ADAMTSL3: variants seen among roughly 807,000 people sequenced by gnomAD.
ADAMTSL3 encodes the protein ADAMTS-like protein 3.
In ADAMTSL3, 128 loss-of-function variants were observed where a neutral mutation model predicts 201.7. The observed-to-expected ratio is 0.63, with a 90% CI of 0.55 to 0.73. The LOEUF (loss-of-function observed/expected upper bound fraction) is 0.73, where lower values mean the gene tolerates loss of function less well. Ranked by LOEUF, ADAMTSL3 falls within the 30% of genes least tolerant of loss-of-function variation. The pLI, the probability that ADAMTSL3 is intolerant of heterozygous loss-of-function variation, is 0.00. For synonymous variants in ADAMTSL3, 738 were observed against 748.4 expected (o/e 0.99, Z 0.23); for missense variants, 1,990 against 2,119.6 (o/e 0.94, Z 1.20).
intron 3 of ADAMTSL3, among the ~76,000 whole-genome samples, chr15:83,715,262 A>G (rs1045798874): frequency 1.3e-5 from 2 of 152,058 alleles, no homozygotes; most frequent in African/African-American, 4.8e-5. Context: ...GGCCCTTAAT[A>G]TTGCCTCTTC....
At position 84,024,180 on chromosome 15, in the gene ADAMTSL3, C is replaced by T. The variant is rs924882978; in HGVS notation, c.4458-1058C>T. Reference sequence around the variant, plus strand: ...CTGAGGCAGGAGAATGGCGTGAACCCGGGAGGCAATGGTTGGAGTGAGCCG... The same window carrying T: ...CTGAGGCAGGAGAATGGCGTGAACCTGGGAGGCAATGGTTGGAGTGAGCCG... On this transcript the variant is annotated intron_variant, in intron 26 of 29. Coordinates refer to ENST00000286744, the MANE Select transcript of ADAMTSL3 (RefSeq NM_207517.3). Among the ~76,000 whole-genome samples the T allele has an allele frequency of 6.6e-5, 10 of 152,184 alleles. No homozygotes were observed. The South Asian group carries it at 2.1e-3, about 32-fold the overall frequency.
At chr15:84,025,569 A>G in intron 27 of ADAMTSL3, 133 bp downstream of exon 27, 1 of 833,468 alleles carries the variant, frequency 1.2e-6, no homozygotes, top group South Asian at 1.8e-5. Context: ...AAATGAATGT[A>G]TGTCTTTGAC....
intron 2 of ADAMTSL3, among the ~76,000 whole-genome samples, chr15:83,659,267 C>T (rs1367270339): frequency 6.6e-6 from 1 of 152,154 alleles, no homozygotes; most frequent in Non-Finnish European, 1.5e-5. Context: ...TGAAGAAGTC[C>T]TGGGAGGTCT....
chr15:83,903,926 A>AGGGAGGGAGGGAGGGAGG (rs1283956007), intron 15 of ADAMTSL3, among the ~76,000 whole-genome samples: 1 of 31,776 alleles, frequency 3.1e-5, no homozygotes, highest in Non-Finnish European at 4.9e-5. Context: ...TCAAAAAAAA[A>AGGGAGGGAGGGAGGGAGG]AAAAAAAAAA....
chr15:83,656,959 A>G (rs1048657612), intron 2 of ADAMTSL3, among the ~76,000 whole-genome samples: 1 of 152,226 alleles, frequency 6.6e-6, no homozygotes, highest in Non-Finnish European at 1.5e-5. Flanking sequence ...TGTGATGCAC[A>G]AAGAACTGGT....
At chr15:83,676,637 C>T (rs932071863) in intron 2 of ADAMTSL3, among the ~76,000 whole-genome samples, 1 of 152,140 alleles carries the variant, frequency 6.6e-6, no homozygotes, top group South Asian at 2.1e-4. Flanking sequence ...GAGATTGCAC[C>T]GCTGCACTCC....
chr15:83,903,949 A>AGGGAGGGAGGGAGGG (rs1567226151), intron 15 of ADAMTSL3, among the ~76,000 whole-genome samples: 2 of 38,576 alleles, frequency 5.2e-5, no homozygotes, highest in African/African-American at 1.7e-4. Context: ...AAAAAAGAAA[A>AGGGAGGGAGGGAGGG]AAGAAAGAAA....
chr15:83,666,281 A>G (rs1053038279), intron 2 of ADAMTSL3, among the ~76,000 whole-genome samples: 7 of 152,306 alleles, frequency 4.6e-5, no homozygotes, highest in South Asian at 4.1e-4. Context: ...TTATTGACCA[A>G]TTCTTCACTA....
At chr15:83,829,429 T>C (rs1482236224) in intron 6 of ADAMTSL3, among the ~76,000 whole-genome samples, 1 of 152,198 alleles carries the variant, frequency 6.6e-6, no homozygotes, top group Non-Finnish European at 1.5e-5. Flanking sequence ...TCTTCTTTAT[T>C]AGTCTTGCTA....
chr15:83,884,338 C>CCTTTTTTTTTTTTTTTTTT (rs1305026027), intron 9 of ADAMTSL3, among the ~76,000 whole-genome samples: 2 of 114,486 alleles, frequency 1.7e-5, no homozygotes, highest in Non-Finnish European at 1.7e-5. Flanking sequence ...GCCCTATTTC[C>CCTTTTTTTTTTTTTTTTTT]TTTTTTTTTT....
rs1305026027 is a variant in ADAMTSL3, at chr15:83,884,338, C to CCTTTTTTTT, written c.961-763_961-762insCTTTTTTTT. 1.1e-4 allele frequency among the ~76,000 whole-genome samples: 13 copies of CCTTTTTTTT among 114,488 alleles called. 4 individuals carry two copies. Among genetic ancestry groups the CCTTTTTTTT allele is most frequent in the African/African-American group, 1.4e-4 (4 of 28,892 alleles). The allele number at this position is 114,488 out of a possible 152,430, so 75.1% of individuals were successfully genotyped here. On this transcript the variant is annotated intron_variant, in intron 9 of 29. Transcript: ENST00000286744. ...TGTTACCTCATTGGTGCCCTATTTCCTTTTTTTTTTTTTTTTTTTTTTGAG... is the reference window on the plus strand; with the variant it reads ...TGTTACCTCATTGGTGCCCTATTTCCCTTTTTTTTTTTTTTTTTTTTTTTTTTTTTTGAG...
Position 83,664,720 on chromosome 15 carries a change from C to T in ADAMTSL3, c.69+8890C>T, listed in dbSNP as rs144259918. Among the ~76,000 whole-genome samples the T allele has an allele frequency of 2.3e-3, 350 of 152,288 alleles. 1 individual carries two copies. The highest frequency in any genetic ancestry group is 8.1e-3 in the African/African-American group (337 of 41,574). ...TGTGTTTGGGCACAGTGGCTCATGCCTGTGATCCGAGCACCTTGGGAGACC... is the reference window on the plus strand; with the variant it reads ...TGTGTTTGGGCACAGTGGCTCATGCTTGTGATCCGAGCACCTTGGGAGACC... On this transcript the variant is annotated intron_variant, in intron 2 of 29. Coordinates refer to ENST00000286744, the MANE Select transcript of ADAMTSL3 (RefSeq NM_207517.3).
At chr15:83,783,527 G>A (rs780875091) in intron 4 of ADAMTSL3, among the ~76,000 whole-genome samples, 18 of 151,714 alleles carry the variant, frequency 1.2e-4, no homozygotes, top group South Asian at 2.1e-4. Flanking sequence ...CAAGGATACC[G>A]AAAGACTGAA....
intron 9 of ADAMTSL3, among the ~76,000 whole-genome samples, chr15:83,878,694 A>T (rs1293992623): frequency 6.6e-6 from 1 of 151,946 alleles, no homozygotes; most frequent in African/African-American, 2.4e-5. Context: ...ATATCACTAG[A>T]TGTGATTTTA....
intron 10 of ADAMTSL3, among the ~76,000 whole-genome samples, chr15:83,889,522 A>T (rs1031729574): frequency 1.3e-5 from 2 of 152,240 alleles, no homozygotes; most frequent in African/African-American, 4.8e-5. Context: ...CAGATACACA[A>T]AAAAACAACC....
intron 3 of ADAMTSL3, among the ~76,000 whole-genome samples, chr15:83,722,199 A>C (rs1448821819): frequency 1.3e-5 from 2 of 152,210 alleles, no homozygotes; most frequent in African/African-American, 4.8e-5. Flanking sequence ...TAGTGAAAAC[A>C]AATTCAGAAA....
chr15:83,907,067 C>G (rs1280116156), intron 15 of ADAMTSL3, among the ~76,000 whole-genome samples: 1 of 143,828 alleles, frequency 7.0e-6, no homozygotes, highest in Non-Finnish European at 1.5e-5. Context: ...GCACTCCAGC[C>G]TGGGTGACAG....
chr15:83,822,071 C>A (rs1443952264), intron 6 of ADAMTSL3, among the ~76,000 whole-genome samples: 2 of 143,282 alleles, frequency 1.4e-5, no homozygotes, highest in Non-Finnish European at 3.1e-5. Context: ...CCAGTAGGGG[C>A]GGCCGGGCAG....
intron 2 of ADAMTSL3, among the ~76,000 whole-genome samples, chr15:83,668,743 T>C (rs2141380604): frequency 6.6e-6 from 1 of 152,288 alleles, no homozygotes; most frequent in East Asian, 1.9e-4. Context: ...TACATTTTGG[T>C]TCTGTTTCTT....
Sources: gnomAD v4.1 joint callset for allele counts (sites outside exome capture counted in the v4.1 genomes callset) on GRCh38, gnomAD v4.1.1 for gene constraint, MANE v1.5 for transcripts, NCBI Gene and HGNC (gene_info 2026-07-23, HGNC 2026-07-21) for gene names.